Variants in TNIK observed in about 807,000 individuals in gnomAD.
TNIK encodes TRAF2 and NCK interacting kinase, also known as TRAF2 and NCK-interacting protein kinase.
In TNIK, 49 loss-of-function variants were observed where a neutral mutation model predicts 191.3. The ratio of observed to expected loss-of-function variants is 0.26; its 90% CI spans 0.20 to 0.32. TNIK has a LOEUF of 0.32. TNIK is among the 10% of genes least tolerant of loss of function. The pLI is 1.00. For missense variants in TNIK, 1,155 were observed against 1,702.3 expected, an observed-to-expected ratio of 0.68 and a Z score of 5.66; for synonymous variants, 594 against 600.9, an observed-to-expected ratio of 0.99 and a Z score of 0.17.
intron 30 of TNIK, among the ~76,000 whole-genome samples, chr3:171,068,214 A>G (rs1359558564): frequency 1.3e-5 from 2 of 152,340 alleles, no homozygotes; most frequent in African/African-American, 2.4e-5. Context: ...AAGAAGATCT[A>G]CAATTTGCAG....
chr3:171,157,159 G>A (rs1274845585), intron 12 of TNIK, among the ~76,000 whole-genome samples: 1 of 152,218 alleles, frequency 6.6e-6, no homozygotes, highest in African/African-American at 2.4e-5. Context: ...AATAGGACAT[G>A]CTGGAGGGAG....
chr3:171,342,301 G>C lies in TNIK; in HGVS notation c.123+27319C>G, dbSNP rs74906014. On this transcript the variant is annotated intron_variant, in intron 2 of 32. Coordinates refer to ENST00000436636, the MANE Select transcript of TNIK (RefSeq NM_015028.4). Reference sequence around the variant, plus strand: ...AAGTTCCCAGCAGATGCTGATGTTGGTGGTCCCAGGAACATATTTTGAGAA... The same window carrying C: ...AAGTTCCCAGCAGATGCTGATGTTGCTGGTCCCAGGAACATATTTTGAGAA... Among the ~76,000 whole-genome samples the C allele has an allele frequency of 8.2e-3, 1,248 of 152,288 alleles. 21 individuals are homozygous for C. The highest frequency in any genetic ancestry group is 0.028 in the African/African-American group (1,148 of 41,552).
At chr3:171,118,098 A>G (rs1727046649) in intron 18 of TNIK, among the ~76,000 whole-genome samples, 1 of 152,224 alleles carries the variant, frequency 6.6e-6, no homozygotes, top group Admixed American at 6.5e-5. Flanking sequence ...GCAAAGTCTC[A>G]GGATACAAAA....
intron 2 of TNIK, among the ~76,000 whole-genome samples, chr3:171,244,122 G>T (rs1745316183): frequency 6.7e-6 from 1 of 150,348 alleles, no homozygotes; most frequent in Non-Finnish European, 1.5e-5. Context: ...GGGAATGCAG[G>T]CGTGCGATCT....
At chr3:171,441,136 T>G (rs1337625189) in intron 1 of TNIK, among the ~76,000 whole-genome samples, 1 of 152,124 alleles carries the variant, frequency 6.6e-6, no homozygotes, top group Non-Finnish European at 1.5e-5. Context: ...GACTAGGAAA[T>G]TTGCCTTCAC....
intron 3 of TNIK, among the ~76,000 whole-genome samples, chr3:171,218,313 A>G (rs542214290): frequency 9.2e-5 from 14 of 152,238 alleles, no homozygotes; most frequent in African/African-American, 3.4e-4. Context: ...AGGTTGACAT[A>G]TGTCTTTCTC....
At chr3:171,347,391 T>TCTCACA (rs1553758349) in intron 2 of TNIK, among the ~76,000 whole-genome samples, 8 of 146,070 alleles carry the variant, frequency 5.5e-5, no homozygotes, top group African/African-American at 2.0e-4. Flanking sequence ...GAAGTGCCTA[T>TCTCACA]CACACACACA....
At chr3:171,377,594 A>G (rs1387076034) in intron 1 of TNIK, among the ~76,000 whole-genome samples, 2 of 152,226 alleles carry the variant, frequency 1.3e-5, no homozygotes, top group African/African-American at 4.8e-5. Flanking sequence ...ATGCAACCTG[A>G]GAAATAGGTA....
In TNIK at chr3:171,126,055, C is replaced by A; in HGVS notation, c.1870G>T (p.Glu624Ter). 1 of 1,613,638 alleles carries A rather than the reference C, an allele frequency of 6.2e-7. No homozygotes were observed. The change falls in exon 17 of 33, where the codon GAG (glutamate) becomes TAG (stop). Residue 624 changes from glutamate to a stop codon, truncating the protein, a stop_gained. Transcript: ENST00000436636. LOFTEE classifies it high-confidence loss of function. ...CGGTGGGAGGTCACGTTCAGAGCCT[C>A]CTGAAACCCAGAGAGGCCCTTTGTG... is the stretch of plus-strand genomic sequence containing the variant. ...QPTKGLSGFQEALNVTSHRVE... is the reference protein window; with the variant it reads ...QPTKGLSGFQ
rs1257639293 is a variant in TNIK, at chr3:171,264,111, C to CACACATAT, written c.124-35891_124-35890insATATGTGT. Among the ~76,000 whole-genome samples, 19 of 61,030 alleles carry CACACATAT rather than the reference C, an allele frequency of 3.1e-4. No individual in the cohort carries two copies. The South Asian group carries it at 6.3e-3, about 20-fold the overall frequency. The allele number at this position is 61,030 out of a possible 152,430, so 40.0% of individuals were successfully genotyped here. ...ACACACACACACACACACACACACA[C>CACACATAT]ATATATATATATATATATATACACC... On this transcript the variant is annotated intron_variant, in intron 2 of 32. Transcript: ENST00000436636.
chr3:171,166,983 A>G (rs1734697915), intron 10 of TNIK, 112 bp downstream of exon 10: 1 of 1,348,030 alleles, frequency 7.4e-7, no homozygotes, highest in Admixed American at 2.9e-5. Context: ...CCTCGCACTA[A>G]AGAATAATGC....
chr3:171,147,542 T>C (rs1027184960), intron 12 of TNIK, among the ~76,000 whole-genome samples: 1 of 152,184 alleles, frequency 6.6e-6, no homozygotes, highest in Non-Finnish European at 1.5e-5. Context: ...AACCTTTTTT[T>C]ATGTAAGGAC....
rs1372916219 is a variant in TNIK at position 171,192,999 on chromosome 3, A to T, written c.417+1526T>A. 3.9e-5 allele frequency among the ~76,000 whole-genome samples: 6 copies of T among 152,294 alleles called. 1 individual carries two copies. The South Asian group carries it at 1.2e-3, about 32-fold the overall frequency. ...TATATCTATAACCCAGCTGGAATAA[A>T]TTTTTGAATATGGTATGTAGCAGGT... On this transcript the variant is annotated intron_variant, in intron 5 of 32. Coordinates refer to ENST00000436636, the MANE Select transcript of TNIK (RefSeq NM_015028.4).
Position 171,139,034 on chromosome 3 carries a change from T to C in TNIK, c.1419+436A>G, listed in dbSNP as rs78746269. On this transcript the variant is annotated intron_variant, in intron 14 of 32. Coordinates refer to ENST00000436636, the MANE Select transcript of TNIK (RefSeq NM_015028.4). ...GTTCCCATCGTAAGGGTAAAGCTAA[T>C]AGTCTGTAAATGAAATATGACTGTA... is the stretch of plus-strand genomic sequence containing the variant. Among the ~76,000 whole-genome samples the C allele has an allele frequency of 2.2e-3, 334 of 152,318 alleles. 2 individuals are homozygous for C. The East Asian group carries it at 0.032, about 15-fold the overall frequency.
intron 22 of TNIK, among the ~76,000 whole-genome samples, chr3:171,096,374 A>G (rs985975305): frequency 5.3e-5 from 8 of 152,002 alleles, no homozygotes; most frequent in Admixed American, 4.6e-4. Flanking sequence ...TCACTCTTCT[A>G]CTTTCAATCT....
In TNIK at chr3:171,140,461, G is replaced by A. The variant is rs1186665881; in HGVS notation, c.1270C>T (p.Arg424Cys). ...ELRKQQEREQ[R>C]RHYEEQMRRE... Reference sequence around the variant, plus strand: ...CGCATCTGCTCCTCATAGTGCCGGCGCTGCTCCCTCTCCTGCTGCTTCCGC... The same window carrying A: ...CGCATCTGCTCCTCATAGTGCCGGCACTGCTCCCTCTCCTGCTGCTTCCGC... Residue 424 changes from arginine (R) to cysteine (C), a missense_variant, in exon 13 of 33, where the codon CGC becomes TGC. Around this residue, in one of 3 missense-constraint regions of TNIK, gnomAD observed 735 missense variants for 848.0 expected, o/e 0.87. Coordinates refer to ENST00000436636, the MANE Select transcript of TNIK (RefSeq NM_015028.4). 2 of 1,612,664 alleles carry A rather than the reference G, an allele frequency of 1.2e-6. No individual in the cohort carries two copies. Among genetic ancestry groups the A allele is most frequent in the Non-Finnish European group, 8.5e-7 (1 of 1,179,400 alleles).
Position 171,159,456 on chromosome 3 carries a change from G to A in TNIK, c.1017-1792C>T, listed in dbSNP as rs568668398. 8.5e-5 allele frequency among the ~76,000 whole-genome samples: 13 copies of A among 152,248 alleles called. No homozygotes were observed. The South Asian group carries it at 2.5e-3, about 29-fold the overall frequency. ...GAAAAGACATAAAAAGGCTTTGTTCGTGATGTTCCATAGACAATGCTTGGC... is the reference window on the plus strand; with the variant it reads ...GAAAAGACATAAAAAGGCTTTGTTCATGATGTTCCATAGACAATGCTTGGC... On this transcript the variant is annotated intron_variant, in intron 11 of 32. Transcript: ENST00000436636. This position sits in a 1 kb window ranked among gnomAD's most constrained non-coding sequence, Gnocchi z 4.1.
rs1733701125 is a variant in TNIK at position 171,159,539 on chromosome 3, A to T, written c.1016+1731T>A. On this transcript the variant is annotated intron_variant, in intron 11 of 32. Coordinates refer to ENST00000436636, the MANE Select transcript of TNIK (RefSeq NM_015028.4). The surrounding 1 kb of genome is among the most constrained non-coding windows in gnomAD (Gnocchi z 4.1). Reference sequence around the variant, plus strand: ...CCTTTGTGTCAAACTCTAAAACCCCAAACGATGGTGCTTATCTACACAGGC... The same window carrying T: ...CCTTTGTGTCAAACTCTAAAACCCCTAACGATGGTGCTTATCTACACAGGC... Among the ~76,000 whole-genome samples, 1 of 152,088 alleles carries T rather than the reference A, an allele frequency of 6.6e-6. No homozygotes were observed. The highest frequency in any genetic ancestry group is 1.5e-5 in the Non-Finnish European group (1 of 68,016).
intron 3 of TNIK, among the ~76,000 whole-genome samples, chr3:171,220,201 A>C (rs751295026): frequency 2.6e-5 from 4 of 152,120 alleles, no homozygotes; most frequent in South Asian, 2.1e-4. Context: ...ATGAGAACGC[A>C]AGGACACAGG....
Sources: allele counts gnomAD v4.1 joint callset (sites outside exome capture counted in the v4.1 genomes callset), GRCh38; gene constraint gnomAD v4.1.1; regional missense constraint gnomAD v4.1.1; non-coding constraint Gnocchi (gnomAD v3.1); transcripts MANE v1.5; gene names NCBI Gene and HGNC (gene_info 2026-07-23, HGNC 2026-07-21).